The following CAMTA1 variants were observed in gnomAD, a reference collection of about 807,000 sequenced individuals.
The protein encoded by CAMTA1 is calmodulin binding transcription activator 1, also known as calmodulin-binding transcription activator 1.
A neutral mutation model predicts 170.9 loss-of-function variants in CAMTA1; 27 were observed. The ratio of observed to expected loss-of-function variants is 0.16; its 90% CI spans 0.12 to 0.22. The LOEUF is 0.22. CAMTA1 is among the 10% of genes least tolerant of loss of function. The probability of loss-of-function intolerance (pLI) is 1.00; values close to 1 mark genes in which losing one functional copy is unlikely to be tolerated. For synonymous variants in CAMTA1, 833 were observed against 891.5 expected (o/e 0.93, Z 1.17); for missense variants, 1,619 against 2,217.2 (o/e 0.73, Z 5.42).
chr1:7,660,465 G>A (rs1036270684), intron 7 of CAMTA1, among the ~76,000 whole-genome samples: 5 of 152,158 alleles, frequency 3.3e-5, no homozygotes, highest in African/African-American at 7.2e-5. Flanking sequence ...TTGAACCCAC[G>A]AGGCCGAGTC....
At chr1:6,984,014 G>GTAGA (rs1694886851) in intron 3 of CAMTA1, among the ~76,000 whole-genome samples, 1 of 21,076 alleles carries the variant, frequency 4.7e-5, no homozygotes, top group African/African-American at 1.8e-4. Flanking sequence ...GGAGGGATGG[G>GTAGA]TGGTTGGGCA....
intron 3 of CAMTA1, among the ~76,000 whole-genome samples, chr1:6,985,354 C>T (rs1695183367): frequency 6.6e-6 from 1 of 152,234 alleles, no homozygotes. Context: ...CTCCTCTCCA[C>T]AGCCTGGCTT....
At chr1:7,452,306 C>T (rs2092845583) in intron 5 of CAMTA1, among the ~76,000 whole-genome samples, 1 of 152,192 alleles carries the variant, frequency 6.6e-6, no homozygotes, top group Non-Finnish European at 1.5e-5. Flanking sequence ...AGGGACTGGA[C>T]AGAGTGGAAT....
chr1:6,803,281 C>T (rs1277835627), intron 1 of CAMTA1, among the ~76,000 whole-genome samples: 2 of 152,164 alleles, frequency 1.3e-5, no homozygotes, highest in Admixed American at 6.5e-5. Flanking sequence ...GAATGGGAGA[C>T]GTTGCCTTCA....
intron 4 of CAMTA1, among the ~76,000 whole-genome samples, chr1:7,206,370 G>T (rs935184952): frequency 1.3e-5 from 2 of 152,250 alleles, no homozygotes; most frequent in Admixed American, 6.5e-5. Flanking sequence ...TCTCATGGAG[G>T]TTTTGCACAT....
At chr1:7,363,104 T>A (rs76912435) in intron 5 of CAMTA1, among the ~76,000 whole-genome samples, 144 of 152,332 alleles carry the variant, frequency 9.5e-4, no homozygotes, top group African/African-American at 3.3e-3. Context: ...ATACCAAGTT[T>A]GAAACGTGAG....
At chr1:7,589,900 G>A (rs1380365723) in intron 6 of CAMTA1, among the ~76,000 whole-genome samples, 3 of 152,220 alleles carry the variant, frequency 2.0e-5, no homozygotes, top group Non-Finnish European at 4.4e-5. Context: ...TTCTGGCTGT[G>A]TGGCTTCAGC....
Position 7,300,506 on chromosome 1 carries a change from G to A in CAMTA1, c.438+50880G>A, listed in dbSNP as rs1674600808. On this transcript the variant is annotated intron_variant, in intron 5 of 22. Transcript: ENST00000303635. This position sits in a 1 kb window ranked among gnomAD's most constrained non-coding sequence, Gnocchi z 4.1. Reference sequence around the variant, plus strand: ...AGCCTGGCCAACATGGTGAAACCCCGTCTCTACTAAAAATACAAAAATTAG... The same window carrying A: ...AGCCTGGCCAACATGGTGAAACCCCATCTCTACTAAAAATACAAAAATTAG... Among the ~76,000 whole-genome samples, 1 of 152,124 alleles carries A rather than the reference G, an allele frequency of 6.6e-6. No individual in the cohort carries two copies. Among genetic ancestry groups the A allele is most frequent in the East Asian group, 1.9e-4 (1 of 5,186 alleles).
At chr1:6,919,822 C>A (rs1280891233) in intron 3 of CAMTA1, among the ~76,000 whole-genome samples, 1 of 152,178 alleles carries the variant, frequency 6.6e-6, no homozygotes, top group African/African-American at 2.4e-5. Flanking sequence ...ACTGTCGGAT[C>A]TCAGGAGACT....
intron 4 of CAMTA1, among the ~76,000 whole-genome samples, chr1:7,226,546 C>T (rs1256521035): frequency 6.6e-6 from 1 of 152,204 alleles, no homozygotes; most frequent in East Asian, 1.9e-4. Context: ...ACTTCACAAA[C>T]ATCCTCTGAA....
At chr1:6,910,160 C>A (rs147918324) in intron 3 of CAMTA1, among the ~76,000 whole-genome samples, 1 of 152,234 alleles carries the variant, frequency 6.6e-6, no homozygotes, top group African/African-American at 2.4e-5. Flanking sequence ...GCACTAGTAC[C>A]CGTTATAGGG....
intron 5 of CAMTA1, among the ~76,000 whole-genome samples, chr1:7,378,421 C>T (rs2087012055): frequency 1.3e-5 from 2 of 152,210 alleles, no homozygotes; most frequent in African/African-American, 4.8e-5. Flanking sequence ...ATAATATTCA[C>T]CCATAAACAG....
Position 7,014,783 on chromosome 1 carries a change from G to T in CAMTA1, c.235-76521G>T, listed in dbSNP as rs1000427432. 4.6e-5 allele frequency among the ~76,000 whole-genome samples: 7 copies of T among 152,168 alleles called. No individual in the cohort carries two copies. The highest frequency in any genetic ancestry group is 5.9e-5 in the Non-Finnish European group (4 of 68,044). The stretch of plus-strand genomic sequence containing the variant: ...TACACATTCTGAGCTACCTTTCGGG[G>T]TCTGTGGACCCTCTCAGACCCTGCA... On this transcript the variant is annotated intron_variant, in intron 3 of 22. Transcript: ENST00000303635. The surrounding 1 kb of genome is among the most constrained non-coding windows in gnomAD (Gnocchi z 4.2).
At chr1:6,817,335 C>T (rs773395983) in intron 1 of CAMTA1, among the ~76,000 whole-genome samples, 2 of 152,096 alleles carry the variant, frequency 1.3e-5, no homozygotes, top group Non-Finnish European at 2.9e-5. Flanking sequence ...TTTTTAACAT[C>T]GTAAAATTTC....
At chr1:7,486,614 C>A (rs2093621344) in intron 6 of CAMTA1, among the ~76,000 whole-genome samples, 1 of 152,206 alleles carries the variant, frequency 6.6e-6, no homozygotes, top group African/African-American at 2.4e-5. Flanking sequence ...TGGTCTCTGT[C>A]CCCTGTTGCT....
chr1:7,317,483 T>C (rs745407803), intron 5 of CAMTA1, among the ~76,000 whole-genome samples: 3 of 152,254 alleles, frequency 2.0e-5, no homozygotes, highest in Non-Finnish European at 4.4e-5. Context: ...CATAGAACAG[T>C]GCTTGCCACA....
intron 11 of CAMTA1, among the ~76,000 whole-genome samples, chr1:7,683,842 C>T (rs1365231472): frequency 6.6e-6 from 1 of 152,218 alleles, no homozygotes; most frequent in African/African-American, 2.4e-5. Context: ...ATGTGCTCCC[C>T]AGGCCTGCTT....
At chr1:7,507,137 C>G (rs1200935802) in intron 6 of CAMTA1, among the ~76,000 whole-genome samples, 1 of 148,728 alleles carries the variant, frequency 6.7e-6, no homozygotes, top group Non-Finnish European at 1.5e-5. Flanking sequence ...CATTCACACA[C>G]TCACACTCAC....
intron 4 of CAMTA1, among the ~76,000 whole-genome samples, chr1:7,118,686 A>C (rs568042468): frequency 1.3e-5 from 2 of 152,282 alleles, no homozygotes; most frequent in East Asian, 3.9e-4. Context: ...TTGTTAAAAA[A>C]TGTGTGTCCC....
Sources: gnomAD v4.1 joint callset for allele counts (sites outside exome capture counted in the v4.1 genomes callset) on GRCh38, gnomAD v4.1.1 for gene constraint, Gnocchi (gnomAD v3.1) non-coding constraint, MANE v1.5 for transcripts, NCBI Gene and HGNC (gene_info 2026-07-23, HGNC 2026-07-21) for gene names.